PTPRK: variants seen among roughly 807,000 people sequenced by gnomAD.
PTPRK encodes the protein receptor-type tyrosine-protein phosphatase kappa.
In PTPRK, 75 loss-of-function variants were observed where a neutral mutation model predicts 178.0. The ratio of observed to expected loss-of-function variants is 0.42; its 90% CI spans 0.35 to 0.51. The LOEUF (loss-of-function observed/expected upper bound fraction) is 0.51. PTPRK is among the 20% of genes least tolerant of loss of function. The pLI, the probability that PTPRK is intolerant of heterozygous loss-of-function variation, is 0.02. For synonymous variants in PTPRK, 637 were observed against 620.6 expected, an observed-to-expected ratio of 1.03 and a Z score of -0.39; for missense variants, 1,441 against 1,797.8, an observed-to-expected ratio of 0.80 and a Z score of 3.59.
intron 6 of PTPRK, among the ~76,000 whole-genome samples, chr6:128,190,540 C>A (rs1803612472): frequency 8.9e-6 from 1 of 112,208 alleles, no homozygotes; most frequent in Non-Finnish European, 1.6e-5. Flanking sequence ...GCTCTGTTAT[C>A]CAGGCTGGAG....
chr6:128,204,887 A>T (rs1806641369), intron 6 of PTPRK, among the ~76,000 whole-genome samples: 1 of 152,190 alleles, frequency 6.6e-6, no homozygotes, highest in Non-Finnish European at 1.5e-5. Flanking sequence ...CAGAAATACC[A>T]TTTGACCCAG....
intron 3 of PTPRK, 127 bp from the exon 4 acceptor site, chr6:128,242,729 TTATAA>T (rs1324463807): frequency 7.4e-7 from 1 of 1,352,954 alleles, no homozygotes; most frequent in Non-Finnish European, 9.7e-7. Context: ...AAATTTAACC[TTATAA>T]TGTAAGTAAT....
chr6:128,044,461 A>G (rs953435092), intron 13 of PTPRK, among the ~76,000 whole-genome samples: 3 of 151,814 alleles, frequency 2.0e-5, no homozygotes, highest in African/African-American at 7.3e-5. Context: ...TCAAATCATG[A>G]TTCCCTGTTT....
intron 26 of PTPRK, 65 bp downstream of exon 26, chr6:127,976,858 T>C: frequency 6.2e-7 from 1 of 1,610,300 alleles, no homozygotes; most frequent in East Asian, 2.2e-5. Context: ...AAGCAGATTT[T>C]AGCAATTCAT....
chr6:127,990,009 T>C (rs1367562964), intron 21 of PTPRK, among the ~76,000 whole-genome samples: 2 of 152,148 alleles, frequency 1.3e-5, no homozygotes, highest in African/African-American at 2.4e-5. Flanking sequence ...TTTAGTCTAC[T>C]ACACCAGCCA....
chr6:128,266,379 G>A (rs1026536770), intron 3 of PTPRK, among the ~76,000 whole-genome samples: 3 of 152,080 alleles, frequency 2.0e-5, no homozygotes, highest in African/African-American at 7.2e-5. Context: ...CAGTGACTGG[G>A]GACCCAGACA....
intron 6 of PTPRK, among the ~76,000 whole-genome samples, chr6:128,191,357 T>C (rs939866179): frequency 1.3e-5 from 2 of 152,028 alleles, no homozygotes; most frequent in African/African-American, 2.4e-5. Flanking sequence ...AAGCTTGAAC[T>C]CATAGAAGCA....
At chr6:128,105,300 T>A (rs967604505) in intron 7 of PTPRK, among the ~76,000 whole-genome samples, 1 of 151,770 alleles carries the variant, frequency 6.6e-6, no homozygotes, top group Non-Finnish European at 1.5e-5. Flanking sequence ...CGCCCTGCTA[T>A]TTTTTTGTAT....
At chr6:128,253,148 A>G (rs1323243532) in intron 3 of PTPRK, among the ~76,000 whole-genome samples, 1 of 152,224 alleles carries the variant, frequency 6.6e-6, no homozygotes, top group Non-Finnish European at 1.5e-5. Flanking sequence ...AAACTCAGAA[A>G]TAAAATTGAA....
At chr6:128,328,725 A>C (rs1829887631) in intron 2 of PTPRK, among the ~76,000 whole-genome samples, 1 of 152,134 alleles carries the variant, frequency 6.6e-6, no homozygotes, top group South Asian at 2.1e-4. Context: ...ATCAATATTG[A>C]CCATATTAGA....
intron 14 of PTPRK, among the ~76,000 whole-genome samples, chr6:128,007,863 G>GA (rs944067976): frequency 2.0e-5 from 3 of 150,944 alleles, no homozygotes; most frequent in Admixed American, 6.6e-5. Flanking sequence ...CATAAGGTCT[G>GA]AAGGTTACAT....
chr6:128,215,770 G>A (rs1809162596), intron 6 of PTPRK, among the ~76,000 whole-genome samples: 1 of 151,922 alleles, frequency 6.6e-6, no homozygotes, highest in Middle Eastern at 3.4e-3. Context: ...TTGACAACAG[G>A]CAATACCATG....
chr6:128,218,384 A>C (rs142103347), intron 6 of PTPRK, among the ~76,000 whole-genome samples: 29 of 152,368 alleles, frequency 1.9e-4, no homozygotes, highest in African/African-American at 6.5e-4. Flanking sequence ...AATCCCTGAC[A>C]TTCTTCTAGT....
chr6:128,384,863 TCC>T (rs1838472848), intron 2 of PTPRK, among the ~76,000 whole-genome samples: 1 of 151,692 alleles, frequency 6.6e-6, no homozygotes, highest in Non-Finnish European at 1.5e-5. Flanking sequence ...ATTTTCAGTC[TCC>T]TCTTAAAAAG....
At chr6:128,149,799 G>A (rs544568079) in intron 7 of PTPRK, among the ~76,000 whole-genome samples, 2 of 152,082 alleles carry the variant, frequency 1.3e-5, no homozygotes, top group Non-Finnish European at 2.9e-5. Context: ...CTTCCTCCTT[G>A]TTCCTGCCAA....
chr6:128,005,266 G>A (rs1778286085), intron 14 of PTPRK, 22 bp from the exon 15 acceptor site: 1 of 1,609,334 alleles, frequency 6.2e-7, no homozygotes, highest in African/African-American at 1.3e-5. Flanking sequence ...AATACAAAAG[G>A]GCATCCTTAG....
At chr6:128,435,050 A>C (rs1472450005) in intron 1 of PTPRK, among the ~76,000 whole-genome samples, 14 of 36,540 alleles carry the variant, frequency 3.8e-4, no homozygotes, top group Middle Eastern at 0.013. Context: ...GGAAGGCAGG[A>C]AGGAAGGAAG....
intron 25 of PTPRK, among the ~76,000 whole-genome samples, chr6:127,979,205 G>A (rs539257666): frequency 6.6e-6 from 1 of 152,288 alleles, no homozygotes; most frequent in East Asian, 1.9e-4. Flanking sequence ...GAGCCCAGGA[G>A]ATTGAGGCTG....
At chr6:128,022,595 C>T (rs546233331) in intron 13 of PTPRK, among the ~76,000 whole-genome samples, 8 of 152,256 alleles carry the variant, frequency 5.3e-5, no homozygotes, top group African/African-American at 1.7e-4. Context: ...CCCCAGCTTA[C>T]GGAGTAAAGG....
Sources: gnomAD v4.1 joint callset for allele counts (sites outside exome capture counted in the v4.1 genomes callset) on GRCh38, gnomAD v4.1.1 for gene constraint, MANE v1.5 for transcripts, NCBI Gene and HGNC (gene_info 2026-07-23, HGNC 2026-07-21) for gene names.